Variants in PTPRR observed in about 807,000 individuals in gnomAD.
The protein encoded by PTPRR is protein tyrosine phosphatase receptor type R.
Under a neutral mutation model 77.2 loss-of-function variants are expected in PTPRR, and 38 were observed. The observed-to-expected ratio is 0.49, with a 90% CI of 0.38 to 0.65. The LOEUF (loss-of-function observed/expected upper bound fraction) is 0.65, where lower values mean the gene tolerates loss of function less well. Ranked by LOEUF, PTPRR falls within the 30% of genes least tolerant of loss-of-function variation. The pLI is 0.00. For synonymous variants in PTPRR, 299 were observed against 283.1 expected (o/e 1.06, Z -0.57); for missense variants, 744 against 799.2 (o/e 0.93, Z 0.83).
At chr12:70,726,719 T>C (rs984916637) in intron 6 of PTPRR, among the ~76,000 whole-genome samples, 1 of 152,030 alleles carries the variant, frequency 6.6e-6, no homozygotes, top group Admixed American at 6.6e-5. Context: ...TAGCTGGGAT[T>C]ACAGGTGTAT....
chr12:70,733,023 CGA>C (rs1163747842), intron 6 of PTPRR, among the ~76,000 whole-genome samples: 6 of 151,868 alleles, frequency 4.0e-5, no homozygotes, highest in African/African-American at 1.5e-4. Flanking sequence ...AAATCAAAGC[CGA>C]GAGGGAAAAC....
chr12:70,837,654 C>T (rs1319924640), intron 2 of PTPRR, among the ~76,000 whole-genome samples: 1 of 152,066 alleles, frequency 6.6e-6, no homozygotes, highest in Non-Finnish European at 1.5e-5. Context: ...TCTGGGTATG[C>T]CACCCTCTAG....
intron 2 of PTPRR, among the ~76,000 whole-genome samples, chr12:70,824,963 C>T (rs1892083624): frequency 6.6e-6 from 1 of 152,116 alleles, no homozygotes; most frequent in African/African-American, 2.4e-5. Flanking sequence ...TATCGTTGCT[C>T]CATGTACAGT....
rs1354092826 is a variant in PTPRR at position 70,639,150 on chromosome 12, C to G, written c.*34G>C. On this transcript the variant is annotated 3_prime_UTR_variant, in exon 14 of 14. Transcript: ENST00000283228. ...GGGTGGGTAATTTGATTAATCACCCCAAGAGATTGATGGTCTGACAAGTCT... is the reference window on the plus strand; with the variant it reads ...GGGTGGGTAATTTGATTAATCACCCGAAGAGATTGATGGTCTGACAAGTCT... 1 of 1,580,772 alleles carries G rather than the reference C, an allele frequency of 6.3e-7. No individual in the cohort carries two copies. Among genetic ancestry groups the G allele is most frequent in the African/African-American group, 1.3e-5 (1 of 74,252 alleles).
At position 70,672,796 on chromosome 12, in the gene PTPRR, A is replaced by T. The variant is rs941794915; in HGVS notation, c.1498-10191T>A. On this transcript the variant is annotated intron_variant, in intron 10 of 13. Transcript: ENST00000283228. Reference sequence around the variant, plus strand: ...ATTCAGGAAACCTTCTGTCTTTCTCAAGAAGGGAGATGAAGTCCAGTGTGA... The same window carrying T: ...ATTCAGGAAACCTTCTGTCTTTCTCTAGAAGGGAGATGAAGTCCAGTGTGA... 2.0e-5 allele frequency: 32 copies of T among 1,563,330 alleles called. No homozygotes were observed. The African/African-American group carries it at 3.8e-4, about 19-fold the overall frequency.
chr12:70,898,135 T>C (rs1893465756), intron 1 of PTPRR, among the ~76,000 whole-genome samples: 1 of 149,674 alleles, frequency 6.7e-6, no homozygotes, highest in East Asian at 2.0e-4. Context: ...ACATGTATCC[T>C]AAAACTTAAA....
At chr12:70,790,067 A>T (rs1378903296) in intron 2 of PTPRR, among the ~76,000 whole-genome samples, 1 of 152,184 alleles carries the variant, frequency 6.6e-6, no homozygotes, top group Non-Finnish European at 1.5e-5. Context: ...CTGCATCATT[A>T]GTTCACCCTT....
At chr12:70,728,528 A>AATAT (rs71068723) in intron 6 of PTPRR, among the ~76,000 whole-genome samples, 3,904 of 79,968 alleles carry the variant, frequency 0.049, 133 homozygotes, top group Non-Finnish European at 0.055. Flanking sequence ...CCAAAATCTG[A>AATAT]ATATATATAT....
At chr12:70,701,051 T>A (rs1393327243) in intron 7 of PTPRR, 86 bp downstream of exon 7, 1 of 1,411,106 alleles carries the variant, frequency 7.1e-7, no homozygotes, top group African/African-American at 1.4e-5. Context: ...ACTGCTTAAG[T>A]ATAGGACAGT....
At chr12:70,852,001 A>C (rs1249559872) in intron 2 of PTPRR, among the ~76,000 whole-genome samples, 2 of 152,072 alleles carry the variant, frequency 1.3e-5, no homozygotes, top group Non-Finnish European at 2.9e-5. Context: ...AAAACTACTC[A>C]TGTTTAGGCT....
intron 6 of PTPRR, among the ~76,000 whole-genome samples, chr12:70,722,193 C>A (rs1020276032): frequency 1.1e-4 from 17 of 152,088 alleles, no homozygotes; most frequent in African/African-American, 4.1e-4. Context: ...CTTGCAAATG[C>A]CTCGGGTGAA....
At chr12:70,683,050 A>G (rs1288535717) in intron 10 of PTPRR, among the ~76,000 whole-genome samples, 1 of 152,226 alleles carries the variant, frequency 6.6e-6, no homozygotes, top group Non-Finnish European at 1.5e-5. Context: ...TATCTATTGT[A>G]GCAAAAATAT....
At chr12:70,899,622 T>C (rs1356258334) in intron 1 of PTPRR, among the ~76,000 whole-genome samples, 1 of 151,526 alleles carries the variant, frequency 6.6e-6, no homozygotes, top group Non-Finnish European at 1.5e-5. Flanking sequence ...TTATGCTTAA[T>C]AGTGAAAAAC....
intron 2 of PTPRR, among the ~76,000 whole-genome samples, chr12:70,810,676 TAAG>T (rs1004402935): frequency 6.6e-6 from 1 of 152,186 alleles, no homozygotes; most frequent in African/African-American, 2.4e-5. Flanking sequence ...GTTTGGAAGT[TAAG>T]TAGTTTCTCA....
chr12:70,668,015 G>GT (rs147364346), intron 10 of PTPRR, among the ~76,000 whole-genome samples: 2 of 151,744 alleles, frequency 1.3e-5, no homozygotes, highest in African/African-American at 4.8e-5. Context: ...CAGATTCAAC[G>GT]TTTTTTTTAA....
chr12:70,820,274 T>C (rs932219483), intron 2 of PTPRR, among the ~76,000 whole-genome samples: 2 of 152,200 alleles, frequency 1.3e-5, no homozygotes, highest in East Asian at 3.9e-4. Context: ...GAGTGATTCC[T>C]AACAGAGACT....
At chr12:70,673,006 C>T (rs1349158475) in intron 10 of PTPRR, 2 of 1,021,306 alleles carry the variant, frequency 2.0e-6, no homozygotes, top group Non-Finnish European at 2.6e-6. Flanking sequence ...ATAGAGCTCT[C>T]TTCAATAAAT....
intron 2 of PTPRR, among the ~76,000 whole-genome samples, chr12:70,817,267 A>T (rs1232558645): frequency 6.6e-6 from 1 of 152,216 alleles, no homozygotes; most frequent in Non-Finnish European, 1.5e-5. Flanking sequence ...ATGAAAAATT[A>T]AGTAAAAATC....
At chr12:70,672,757 C>T (rs564277456) in intron 10 of PTPRR, 3 of 1,554,894 alleles carry the variant, frequency 1.9e-6, no homozygotes, top group African/African-American at 2.7e-5. Context: ...TGGGACCTCC[C>T]CAGGTGTTGG....
Sources: gnomAD v4.1 joint callset for allele counts (sites outside exome capture counted in the v4.1 genomes callset) on GRCh38, gnomAD v4.1.1 for gene constraint, MANE v1.5 for transcripts, NCBI Gene and HGNC (gene_info 2026-07-23, HGNC 2026-07-21) for gene names.